MAST4: variants seen among roughly 807,000 people sequenced by gnomAD.
MAST4 encodes microtubule-associated serine/threonine-protein kinase 4.
In MAST4, 89 loss-of-function variants were observed where a neutral mutation model predicts 162.7. The observed-to-expected ratio is 0.55, with a 90% CI of 0.46 to 0.65. The LOEUF is 0.65. Ranked by LOEUF, MAST4 falls within the 30% of genes least tolerant of loss-of-function variation. The probability of loss-of-function intolerance (pLI) is 0.00; values close to 1 mark genes in which losing one functional copy is unlikely to be tolerated. For synonymous variants in MAST4, 1,479 were observed against 1,361.1 expected, an observed-to-expected ratio of 1.09 and a Z score of -1.91; for missense variants, 3,153 against 3,374.0, an observed-to-expected ratio of 0.93 and a Z score of 1.62.
chr5:66,939,233 A>G (rs958338822), intron 4 of MAST4, among the ~76,000 whole-genome samples: 2 of 152,204 alleles, frequency 1.3e-5, no homozygotes, highest in Admixed American at 1.3e-4. Flanking sequence ...ATCTGAAATT[A>G]AGAACTCTCT....
At position 66,596,878 on chromosome 5, in the gene MAST4, G is replaced by A; in HGVS notation, c.223G>A (p.Ala75Thr). The change falls in exon 1 of 29, where the codon GCC (alanine) becomes ACC (threonine). Residue 75 changes from alanine (A) to threonine (T), a missense_variant. Transcript: ENST00000403625. ...GCCGCCGTTGGGAGGCACCCTGGGC[G>A]CCCGGGCGCCCGCCGCGTGGGCTCC... ...PPPPLGGTLG[A>T]RAPAAWAPAS... 1 of 1,289,672 alleles carries A rather than the reference G, an allele frequency of 7.8e-7. No homozygotes were observed. Among genetic ancestry groups the A allele is most frequent in the Non-Finnish European group, 9.8e-7 (1 of 1,021,490 alleles). 79.9% of individuals were successfully genotyped at this position (1,289,672 alleles called of 1,614,324 possible).
intron 3 of MAST4, among the ~76,000 whole-genome samples, chr5:66,812,304 TTAGA>T (rs1756516375): frequency 6.6e-6 from 1 of 152,218 alleles, no homozygotes; most frequent in Non-Finnish European, 1.5e-5. Context: ...GAAAATGGCC[TTAGA>T]TAGTTTTATG....
intron 4 of MAST4, chr5:67,004,609 T>C (rs1411279557): frequency 5.9e-6 from 1 of 169,588 alleles, no homozygotes; most frequent in Non-Finnish European, 1.3e-5. Flanking sequence ...AAGCGGCGAG[T>C]GGTATCTGCC....
At chr5:66,599,965 T>A (rs1742451647) in intron 1 of MAST4, among the ~76,000 whole-genome samples, 1 of 151,938 alleles carries the variant, frequency 6.6e-6, no homozygotes. Context: ...TGTATCAAAT[T>A]TTGAAAAGCA....
chr5:67,055,154 T>C (rs1026348647), intron 5 of MAST4, among the ~76,000 whole-genome samples: 3 of 152,022 alleles, frequency 2.0e-5, no homozygotes, highest in Non-Finnish European at 4.4e-5. Context: ...CTGGTAGAGA[T>C]GGAGTGAGAG....
chr5:67,004,372 A>T (rs772804671), intron 4 of MAST4, among the ~76,000 whole-genome samples: 15 of 152,238 alleles, frequency 9.9e-5, no homozygotes, highest in Non-Finnish European at 1.2e-4. Context: ...CAAAGGTGTC[A>T]GGTTCAAGTC....
At chr5:66,745,326 T>C (rs1371123882) in intron 1 of MAST4, among the ~76,000 whole-genome samples, 1 of 152,142 alleles carries the variant, frequency 6.6e-6, no homozygotes, top group Non-Finnish European at 1.5e-5. Flanking sequence ...GGTAGATGTT[T>C]AGGATCTTAA....
chr5:66,927,309 G>A (rs1322715633), intron 4 of MAST4, among the ~76,000 whole-genome samples: 2 of 152,200 alleles, frequency 1.3e-5, no homozygotes, highest in South Asian at 2.1e-4. Context: ...CTCCAGATAT[G>A]TAATTATTTA....
chr5:66,895,880 C>G (rs997923652), intron 3 of MAST4, among the ~76,000 whole-genome samples: 4 of 152,170 alleles, frequency 2.6e-5, no homozygotes, highest in Admixed American at 1.3e-4. Context: ...AGAACATTTA[C>G]AATACAGCTC....
chr5:66,607,832 T>C (rs978106709), intron 1 of MAST4, among the ~76,000 whole-genome samples: 2 of 152,216 alleles, frequency 1.3e-5, no homozygotes, highest in African/African-American at 2.4e-5. Flanking sequence ...CTCTATACTT[T>C]TTTAGGAACT....
At chr5:66,939,342 A>T (rs1743113361) in intron 4 of MAST4, among the ~76,000 whole-genome samples, 1 of 152,174 alleles carries the variant, frequency 6.6e-6, no homozygotes, top group African/African-American at 2.4e-5. Context: ...GAAATAATAT[A>T]TACACGTATT....
At chr5:66,679,177 G>C (rs1037944609) in intron 1 of MAST4, among the ~76,000 whole-genome samples, 1 of 152,192 alleles carries the variant, frequency 6.6e-6, no homozygotes, top group African/African-American at 2.4e-5. Flanking sequence ...ATGAAGTCAG[G>C]TGAAAATGAT....
intron 4 of MAST4, among the ~76,000 whole-genome samples, chr5:66,937,798 T>G (rs1345413230): frequency 6.6e-6 from 1 of 151,800 alleles, no homozygotes; most frequent in Non-Finnish European, 1.5e-5. Flanking sequence ...GGCATCTAAT[T>G]TTTTCTTCCA....
chr5:66,755,882 A>G (rs537749461), intron 1 of MAST4, among the ~76,000 whole-genome samples: 5 of 152,218 alleles, frequency 3.3e-5, no homozygotes, highest in South Asian at 2.1e-4. Flanking sequence ...CCAAGCCACA[A>G]TGTCATCGTG....
At position 66,952,600 on chromosome 5, in the gene MAST4, A is replaced by G. The variant is rs369332203; in HGVS notation, c.674+52618A>G. On this transcript the variant is annotated intron_variant, in intron 4 of 28. Transcript: ENST00000403625. ...CAATCCTTGAGACCCAAACTTGCAT[A>G]TGGTTCATCTTTGCATCCCTGATAA... is the stretch of plus-strand genomic sequence containing the variant. Among the ~76,000 whole-genome samples the G allele has an allele frequency of 7.2e-5, 11 of 152,114 alleles. No homozygotes were observed. The East Asian group carries it at 1.2e-3, about 16-fold the overall frequency.
At chr5:67,002,741 A>AT (rs1247317188) in intron 4 of MAST4, among the ~76,000 whole-genome samples, 1 of 152,032 alleles carries the variant, frequency 6.6e-6, no homozygotes, top group Non-Finnish European at 1.5e-5. Flanking sequence ...TGGACCCCAT[A>AT]TTGCAGCTGG....
intron 5 of MAST4, among the ~76,000 whole-genome samples, chr5:67,056,809 G>C (rs1023582464): frequency 1.3e-5 from 2 of 152,058 alleles, no homozygotes; most frequent in Non-Finnish European, 2.9e-5. Flanking sequence ...AGATTCTCAT[G>C]CCTCAGCCTC....
intron 4 of MAST4, among the ~76,000 whole-genome samples, chr5:66,928,833 A>G (rs1438473577): frequency 6.6e-6 from 1 of 152,196 alleles, no homozygotes; most frequent in Admixed American, 6.5e-5. Flanking sequence ...CTTCTGTGCT[A>G]GAAGGCCATT....
At chr5:66,683,097 G>C (rs1262034205) in intron 1 of MAST4, among the ~76,000 whole-genome samples, 2 of 152,140 alleles carry the variant, frequency 1.3e-5, no homozygotes, top group Non-Finnish European at 1.5e-5. Flanking sequence ...TTTAGTGTTG[G>C]GTGTGCAGTC....
Sources: gnomAD v4.1 joint callset for allele counts (sites outside exome capture counted in the v4.1 genomes callset) on GRCh38, gnomAD v4.1.1 for gene constraint, MANE v1.5 for transcripts, NCBI Gene and HGNC (gene_info 2026-07-23, HGNC 2026-07-21) for gene names.